PTGES3: variants seen among roughly 807,000 people sequenced by gnomAD.
The protein encoded by PTGES3 is prostaglandin E synthase 3.
PTGES3 carries 5 observed loss-of-function variants against 29.9 expected under a neutral mutation model. That is an observed-to-expected ratio of 0.17 (90% confidence interval 0.09 to 0.35). The LOEUF (loss-of-function observed/expected upper bound fraction) is 0.35. Among genes scored for constraint, PTGES3 ranks in the 10% least tolerant of loss-of-function variants. The pLI, the probability that PTGES3 is intolerant of heterozygous loss-of-function variation, is 1.00. For synonymous variants in PTGES3, 49 were observed against 57.8 expected (o/e 0.85, Z 0.69); for missense variants, 128 against 190.0 (o/e 0.67, Z 1.92).
rs566521534 is a variant in PTGES3, at chr12:56,685,108, A to AC, written c.2+2889_2+2890insG. On this transcript the variant is annotated intron_variant, in intron 1 of 7. Coordinates refer to ENST00000262033, the MANE Select transcript of PTGES3 (RefSeq NM_006601.7). ...GACAGAGGAAGACCCTGTCTCCAAA[A>AC]AAAACACTTTTAAAACAAGTTATCA... is the stretch of plus-strand genomic sequence containing the variant. Among the ~76,000 whole-genome samples, 106 of 151,794 alleles carry AC rather than the reference A, an allele frequency of 7.0e-4. No individual in the cohort carries two copies. In the South Asian group the frequency reaches 0.021, roughly 31 times the overall value.
chr12:56,687,005 CAAA>C lies in PTGES3; in HGVS notation c.2+990_2+992del, dbSNP rs11297744. ...AGTACCTTGAAAAATAACCTCCCGT[CAAA>C]AAAAAAAAAAAAAAAAAAAAAACCC... On this transcript the variant is annotated intron_variant, in intron 1 of 7. Transcript: ENST00000262033. 9.7e-3 allele frequency: 836 copies of C among 86,484 alleles called. 8 individuals are homozygous for C. Among genetic ancestry groups the C allele is most frequent in the Middle Eastern group, 0.03 (5 of 164 alleles). The allele number at this position is 86,484 out of a possible 1,614,324, so 5.4% of individuals were successfully genotyped here. A position where few individuals can be genotyped will look rare whatever the true frequency, so the allele number is the denominator to read the frequency against.
chr12:56,680,085 T>A (rs1592272787), intron 1 of PTGES3, among the ~76,000 whole-genome samples: 1 of 151,592 alleles, frequency 6.6e-6, no homozygotes, highest in African/African-American at 2.4e-5. Flanking sequence ...TTGGTTTTTT[T>A]TTTTTTTTGA....
At chr12:56,667,815 T>C (rs1245016528) in intron 5 of PTGES3, among the ~76,000 whole-genome samples, 2 of 152,198 alleles carry the variant, frequency 1.3e-5, no homozygotes, top group African/African-American at 2.4e-5. Flanking sequence ...ACTTAAAAGA[T>C]AGCTGGGCGT....
chr12:56,677,192 T>C (rs1227613951), intron 1 of PTGES3, among the ~76,000 whole-genome samples: 4 of 150,210 alleles, frequency 2.7e-5, no homozygotes, highest in Non-Finnish European at 4.4e-5. Flanking sequence ...GTAAGCCAGA[T>C]AGCGCCACTG....
intron 1 of PTGES3, among the ~76,000 whole-genome samples, chr12:56,678,729 G>A (rs2137676407): frequency 6.6e-6 from 1 of 152,292 alleles, no homozygotes; most frequent in East Asian, 1.9e-4. Flanking sequence ...AGACCTTTTA[G>A]ATAGGACTAT....
intron 6 of PTGES3, chr12:56,665,144 T>TA (rs1431714813): frequency 4.1e-6 from 4 of 985,198 alleles, no homozygotes. Context: ...ACTCTAATCC[T>TA]AGCTGTTGAG....
intron 1 of PTGES3, among the ~76,000 whole-genome samples, chr12:56,681,296 T>C (rs1433241585): frequency 6.6e-6 from 1 of 151,272 alleles, no homozygotes; most frequent in East Asian, 2.0e-4. Flanking sequence ...CCCAACACTT[T>C]GGGAGGCCGA....
At chr12:56,685,406 T>TC (rs1418906697) in intron 1 of PTGES3, among the ~76,000 whole-genome samples, 2 of 144,360 alleles carry the variant, frequency 1.4e-5, no homozygotes, top group East Asian at 2.0e-4. Context: ...TTTCTTTTTT[T>TC]TTTTTTTTTT....
intron 5 of PTGES3, among the ~76,000 whole-genome samples, chr12:56,668,588 C>G (rs937953530): frequency 1.3e-5 from 2 of 152,056 alleles, no homozygotes; most frequent in South Asian, 4.2e-4. Context: ...AATGGTGGCA[C>G]CGATTTCTAC....
intron 5 of PTGES3, 23 bp downstream of exon 5, chr12:56,670,252 G>A: frequency 6.6e-7 from 1 of 1,508,748 alleles, no homozygotes; most frequent in Non-Finnish European, 9.2e-7. Flanking sequence ...CGAATGGGGA[G>A]AGGTCCATTT....
chr12:56,670,120 T>C (rs1248796084), intron 5 of PTGES3, among the ~76,000 whole-genome samples, 155 bp downstream of exon 5: 1 of 152,198 alleles, frequency 6.6e-6, no homozygotes, highest in East Asian at 1.9e-4. Flanking sequence ...AAAATTGCCA[T>C]TGTTAACATC....
intron 5 of PTGES3, among the ~76,000 whole-genome samples, 162 bp from the exon 6 acceptor site, chr12:56,666,428 A>G (rs1482934277): frequency 6.6e-6 from 1 of 152,226 alleles, no homozygotes; most frequent in Admixed American, 6.6e-5. Flanking sequence ...GATTATAGGT[A>G]ATTATACAAA....
At chr12:56,677,231 T>G (rs1051743272) in intron 1 of PTGES3, among the ~76,000 whole-genome samples, 3 of 148,032 alleles carry the variant, frequency 2.0e-5, no homozygotes, top group Non-Finnish European at 4.4e-5. Context: ...AGAGTGAGAC[T>G]CCTTCTCCGC....
At position 56,673,484 on chromosome 12, in the gene PTGES3, GGAAAAAAAAAAA is replaced by G. The variant is rs1382511814; in HGVS notation, c.3-431_3-420del. Among the ~76,000 whole-genome samples the G allele has an allele frequency of 3.2e-3, 119 of 36,848 alleles. 4 individuals are homozygous for G. Among genetic ancestry groups the G allele is most frequent in the African/African-American group, 6.7e-3 (108 of 16,098 alleles). 24.2% of individuals were successfully genotyped at this position (36,848 alleles called of 152,430 possible). ...CCGACTCTACTACAAATACAAATAC[GGAAAAAAAAAAA>G]AAAAAAAAAAAAAAAAGCAGGGTAC... On this transcript the variant is annotated intron_variant, in intron 1 of 7. Transcript: ENST00000262033.
At chr12:56,684,008 T>C (rs942987292) in intron 1 of PTGES3, among the ~76,000 whole-genome samples, 12 of 148,514 alleles carry the variant, frequency 8.1e-5, no homozygotes, top group Admixed American at 3.4e-4. Context: ...AAAACTGTAA[T>C]TGCCGATCCA....
chr12:56,687,626 C>G, intron 1 of PTGES3: 3 of 1,134,750 alleles, frequency 2.6e-6, no homozygotes, highest in Non-Finnish European at 3.3e-6. Context: ...CCGGAGCGCC[C>G]AAGCAGCCGA....
intron 5 of PTGES3, among the ~76,000 whole-genome samples, chr12:56,669,007 A>ATTTCTT (rs1555217694): frequency 4.1e-5 from 4 of 97,058 alleles, no homozygotes; most frequent in Non-Finnish European, 7.7e-5. Context: ...TTCACCATGA[A>ATTTCTT]TTTTTTTTTT....
chr12:56,680,635 C>T (rs1270097721), intron 1 of PTGES3, among the ~76,000 whole-genome samples: 1 of 152,076 alleles, frequency 6.6e-6, no homozygotes, highest in African/African-American at 2.4e-5. Flanking sequence ...CCAGCTTCAG[C>T]CTCCCAAAGT....
At position 56,687,377 on chromosome 12, in the gene PTGES3, T is replaced by C. The variant is rs1308002404; in HGVS notation, c.2+621A>G. The C allele has an allele frequency of 1.3e-5, 13 of 987,506 alleles. No individual in the cohort carries two copies. In the East Asian group the frequency reaches 1.4e-3, roughly 103 times the overall value. 61.2% of individuals were successfully genotyped at this position (987,506 alleles called of 1,614,324 possible). A position where few individuals can be genotyped will look rare whatever the true frequency, so the allele number is the denominator to read the frequency against. On this transcript the variant is annotated intron_variant, in intron 1 of 7. Coordinates refer to ENST00000262033, the MANE Select transcript of PTGES3 (RefSeq NM_006601.7). ...GGCTGAGTTTTGGCAACCTCCCGTGTTTTCAAGAGACTGGAGTTAGGAGGC... is the reference window on the plus strand; with the variant it reads ...GGCTGAGTTTTGGCAACCTCCCGTGCTTTCAAGAGACTGGAGTTAGGAGGC...
Sources: gnomAD v4.1 joint callset for allele counts (sites outside exome capture counted in the v4.1 genomes callset) on GRCh38, gnomAD v4.1.1 for gene constraint, MANE v1.5 for transcripts, NCBI Gene and HGNC (gene_info 2026-07-23, HGNC 2026-07-21) for gene names.